Variants in GSDMC observed in about 807,000 individuals in gnomAD.
The protein encoded by GSDMC is gasdermin-C.
A neutral mutation model predicts 58.0 loss-of-function variants in GSDMC; 59 were observed. That is an observed-to-expected ratio of 1.02 (90% CI 0.82 to 1.26). The LOEUF (loss-of-function observed/expected upper bound fraction) is 1.26, where lower values mean the gene tolerates loss of function less well. GSDMC is among the 50% of genes most tolerant of loss of function. The probability of loss-of-function intolerance (pLI) is 0.00; values close to 1 mark genes in which losing one functional copy is unlikely to be tolerated. For missense variants in GSDMC, 659 were observed against 598.5 expected (o/e 1.10, Z -1.06); for synonymous variants, 241 against 220.2 (o/e 1.09, Z -0.83).
At chr8:129,729,245 G>C in the GSDMC span, 1 of 634,806 alleles carries the variant, frequency 1.6e-6, no homozygotes, top group Admixed American at 2.0e-5. Context: ...AAGTGAAATA[G>C]GTGGACTTAG....
In GSDMC at chr8:129,752,807, G is replaced by C. The variant is rs765277111; in HGVS notation, c.735C>G (p.Ser245=). 1.2e-6 allele frequency: 2 copies of C among 1,614,074 alleles called. No individual in the cohort carries two copies. The highest frequency in any genetic ancestry group is 8.5e-7 in the Non-Finnish European group (1 of 1,179,984). The change falls in exon 7 of 14, where the codon TCC becomes TCG. Residue 245 remains serine (S), a synonymous_variant. Transcript: ENST00000276708. ...TCGCAGCACAGTAGCCTACCATTTC[G>C]GAAATTTCGTACTCTTGGGAGAGAG... is the stretch of plus-strand genomic sequence containing the variant. ...QRTFQDEYEI[S]EMVGYCAARS...
the GSDMC span, among the ~76,000 whole-genome samples, chr8:129,716,780 A>AGATACATT: frequency 6.6e-6 from 1 of 152,108 alleles, no homozygotes; most frequent in African/African-American, 2.4e-5. Context: ...TATTATTCTG[A>AGATACATT]GATACATTCC....
the GSDMC span, among the ~76,000 whole-genome samples, chr8:129,735,527 G>A: frequency 6.6e-6 from 1 of 152,152 alleles, no homozygotes; most frequent in Admixed American, 6.5e-5. Context: ...CAACTACATG[G>A]AAACTGAACA....
the GSDMC span, chr8:129,707,324 G>C: frequency 6.6e-6 from 1 of 152,136 alleles, no homozygotes; most frequent in South Asian, 2.1e-4. Context: ...TGAAAATATA[G>C]AGCCTCTTGT....
At chr8:129,774,840 ACT>A (rs2130538654) in intron 3 of GSDMC, among the ~76,000 whole-genome samples, 1 of 152,304 alleles carries the variant, frequency 6.6e-6, no homozygotes, top group Non-Finnish European at 1.5e-5. Flanking sequence ...GCTCAAAATT[ACT>A]TATCAGGGAC....
At position 129,777,412 on chromosome 8, in the gene GSDMC, T is replaced by A. The variant is rs749235759; in HGVS notation, c.176A>T (p.Glu59Val). The A allele has an allele frequency of 1.7e-5, 28 of 1,613,712 alleles. No individual in the cohort carries two copies. Among genetic ancestry groups the A allele is most frequent in the Non-Finnish European group, 2.2e-5 (26 of 1,179,712 alleles). The part of the protein sequence containing the change: ...FWEQSDYVPV[E>V]FSLNDILEPS... ...CTCCAGGATGTCATTGAGGGAGAAT[T>A]CAACTGGAACATAGTCAGATTGTTC... The change falls in exon 2 of 14, where the codon GAA (glutamate) becomes GTA (valine). Residue 59 changes from glutamate (E) to valine (V), a missense_variant. By Grantham distance (121) the Glu-to-Val change is moderately radical. Transcript: ENST00000276708.
chr8:129,707,407 T>G, the GSDMC span, among the ~76,000 whole-genome samples: 1 of 152,178 alleles, frequency 6.6e-6, no homozygotes, highest in Non-Finnish European at 1.5e-5. Flanking sequence ...CATGGTTTCT[T>G]TTTCAGTTAG....
chr8:129,762,818 C>T (rs2033719014), intron 4 of GSDMC, 87 bp from the exon 5 acceptor site: 1 of 836,462 alleles, frequency 1.2e-6, no homozygotes, highest in Admixed American at 1.9e-5. Flanking sequence ...GGAAAAACAT[C>T]AGCATTCCCT....
chr8:129,742,208 A>C, the GSDMC span, among the ~76,000 whole-genome samples: 5 of 151,952 alleles, frequency 3.3e-5, no homozygotes, highest in South Asian at 1.0e-3. Context: ...AGAAGGAATA[A>C]GTTTTTGAGA....
At chr8:129,713,544 T>C in the GSDMC span, among the ~76,000 whole-genome samples, 2 of 152,130 alleles carry the variant, frequency 1.3e-5, no homozygotes, top group African/African-American at 2.4e-5. Flanking sequence ...TGAGGAGCCT[T>C]GGAAATGTGG....
At chr8:129,723,022 C>T in the GSDMC span, 1 of 152,314 alleles carries the variant, frequency 6.6e-6, no homozygotes. Flanking sequence ...GTAAGCACCA[C>T]TGAAAGCAAA....
chr8:129,710,975 T>C, the GSDMC span, among the ~76,000 whole-genome samples: 29 of 152,260 alleles, frequency 1.9e-4, 1 homozygote, highest in African/African-American at 7.0e-4. Flanking sequence ...TGGGCAGCCG[T>C]CTTGCAGATT....
the GSDMC span, among the ~76,000 whole-genome samples, chr8:129,717,890 A>G: frequency 1.3e-5 from 2 of 152,124 alleles, no homozygotes; most frequent in South Asian, 2.1e-4. Context: ...CAATCTGATC[A>G]TTGACAAACC....
At chr8:129,721,570 A>G in the GSDMC span, among the ~76,000 whole-genome samples, 2 of 150,256 alleles carry the variant, frequency 1.3e-5, no homozygotes, top group Non-Finnish European at 2.9e-5. Context: ...TGGAAATGGT[A>G]GAAATTCCAA....
chr8:129,713,659 C>T, the GSDMC span, among the ~76,000 whole-genome samples: 1 of 152,072 alleles, frequency 6.6e-6, no homozygotes, highest in Non-Finnish European at 1.5e-5. Context: ...AATAAACATG[C>T]GGTGAAGGTA....
the GSDMC span, among the ~76,000 whole-genome samples, chr8:129,737,384 C>G: frequency 1.1e-4 from 17 of 152,334 alleles, no homozygotes; most frequent in South Asian, 2.9e-3. Flanking sequence ...TACCTGACTT[C>G]AAACTATACT....
At chr8:129,776,913 A>C (rs1053635587) in intron 2 of GSDMC, among the ~76,000 whole-genome samples, 20 of 144,610 alleles carry the variant, frequency 1.4e-4, no homozygotes, top group African/African-American at 4.4e-4. Flanking sequence ...AGAGTGCACC[A>C]CCCATGCCTG....
At chr8:129,775,335 C>T (rs1452802796) in intron 3 of GSDMC, among the ~76,000 whole-genome samples, 2 of 152,128 alleles carry the variant, frequency 1.3e-5, no homozygotes, top group Non-Finnish European at 2.9e-5. Context: ...TGTATAATCT[C>T]ACATATATGT....
At chr8:129,715,628 T>C in the GSDMC span, among the ~76,000 whole-genome samples, 3 of 152,036 alleles carry the variant, frequency 2.0e-5, no homozygotes, top group African/African-American at 7.2e-5. Context: ...TACAGATATA[T>C]GAAAACTAAA....
Sources: gnomAD v4.1 joint callset for allele counts (sites outside exome capture counted in the v4.1 genomes callset) on GRCh38, gnomAD v4.1.1 for gene constraint, MANE v1.5 for transcripts, NCBI Gene and HGNC (gene_info 2026-07-23, HGNC 2026-07-21) for gene names.